SCAF11: variants seen among roughly 807,000 people sequenced by gnomAD.
SCAF11 encodes protein SCAF11.
A neutral mutation model predicts 140.5 loss-of-function variants in SCAF11; 47 were observed. The observed-to-expected ratio is 0.33, with a 90% CI of 0.26 to 0.43. The LOEUF is 0.43. Among genes scored for constraint, SCAF11 ranks in the 20% least tolerant of loss-of-function variants. The pLI is 1.00. For missense variants in SCAF11, 1,645 were observed against 1,705.1 expected (o/e 0.96, Z 0.62); for synonymous variants, 557 against 579.4 (o/e 0.96, Z 0.55).
At chr12:45,946,441 A>G (rs1267016286) in intron 5 of SCAF11, among the ~76,000 whole-genome samples, 1 of 152,260 alleles carries the variant, frequency 6.6e-6, no homozygotes, top group African/African-American at 2.4e-5. Context: ...AAAATAGTTA[A>G]GCTATGCCTT....
intron 1 of SCAF11, chr12:45,975,819 T>TA: frequency 1.3e-5 from 2 of 152,184 alleles, no homozygotes; most frequent in South Asian, 4.1e-4. Flanking sequence ...CAGGCAAACA[T>TA]AAGTTACCTG....
At chr12:45,989,774 A>C (rs1298326903) in intron 1 of SCAF11, among the ~76,000 whole-genome samples, 1 of 152,248 alleles carries the variant, frequency 6.6e-6, no homozygotes, top group Non-Finnish European at 1.5e-5. Flanking sequence ...GCTGATGCTT[A>C]GAAGCGCCGG....
chr12:45,937,970 C>G (rs1303433797), intron 6 of SCAF11, among the ~76,000 whole-genome samples: 1 of 152,212 alleles, frequency 6.6e-6, no homozygotes, highest in Non-Finnish European at 1.5e-5. Context: ...TCTGCCTTCA[C>G]AGATAATGGA....
At chr12:45,930,832 C>T (rs993592914) in intron 10 of SCAF11, 4 of 151,996 alleles carry the variant, frequency 2.6e-5, no homozygotes, top group South Asian at 2.1e-4. Context: ...TAATGACATA[C>T]CTTTTTCTTA....
chr12:45,929,180 C>T (rs919803039), intron 10 of SCAF11: 2 of 164,770 alleles, frequency 1.2e-5, no homozygotes, highest in Non-Finnish European at 2.5e-5. Context: ...GGGTCTCACT[C>T]TGTCACCCAG....
rs1157099642 is a variant in SCAF11 at position 45,927,002 on chromosome 12, T to A, written c.2699A>T (p.Asp900Val). ...CCTGGATTTTTCTCCTGGGGAAGAATCTTTCACTCTTGGCTGAGATCTTTT... is the reference window on the plus strand; with the variant it reads ...CCTGGATTTTTCTCCTGGGGAAGAAACTTTCACTCTTGGCTGAGATCTTTT... ...ENKRSQPRVK[D>V]SSPGEKSRSQ... The change falls in exon 11 of 15, where the codon GAT becomes GTT. Residue 900 changes from aspartate to valine, a missense_variant. Physicochemically the swap from Asp to Val is radical, Grantham distance 152 (BLOSUM62 -3). Coordinates refer to ENST00000369367, the MANE Select transcript of SCAF11 (RefSeq NM_004719.3). 6.2e-7 allele frequency: 1 copy of A among 1,613,502 alleles called. No homozygotes were observed. Among genetic ancestry groups the A allele is most frequent in the Non-Finnish European group, 8.5e-7 (1 of 1,180,020 alleles).
intron 1 of SCAF11, among the ~76,000 whole-genome samples, chr12:45,972,867 T>TATATATATATATAGATATATATATAG (rs1233274735): frequency 5.0e-5 from 2 of 40,082 alleles, no homozygotes; most frequent in Non-Finnish European, 4.9e-5. Flanking sequence ...TATATATCGA[T>TATATATATATATAGATATATATATAG]ATATATATAT....
At chr12:45,986,337 T>C (rs114755505) in intron 1 of SCAF11, among the ~76,000 whole-genome samples, 365 of 152,260 alleles carry the variant, frequency 2.4e-3, no homozygotes, top group African/African-American at 8.0e-3. Context: ...CCAGAAATCA[T>C]CTTTCAAATT....
chr12:45,960,721 G>A (rs947166529), intron 3 of SCAF11: 1 of 151,904 alleles, frequency 6.6e-6, no homozygotes, highest in Admixed American at 6.6e-5. Flanking sequence ...TGAGAACTCA[G>A]CCAGAGTCAC....
rs775434793 is a variant in SCAF11, at chr12:45,927,216, T to C, written c.2485A>G (p.Lys829Glu). Reference sequence around the variant, plus strand: ...TTCTTAGGAGATGGTGATTGAGACTTCCTGCTTTCTTTCCCAGTTTCTCTT... The same window carrying C: ...TTCTTAGGAGATGGTGATTGAGACTCCCTGCTTTCTTTCCCAGTTTCTCTT... ...PRRETGKESR[K>E]SQSPSPKNES... The change falls in exon 11 of 15, where the codon AAG becomes GAG. Residue 829 changes from lysine (K) to glutamate (E), a missense_variant. This residue lies in a region of SCAF11 where 1,582 missense variants were observed against 1,609.2 expected (regional missense o/e 0.98). Coordinates refer to ENST00000369367, the MANE Select transcript of SCAF11 (RefSeq NM_004719.3). 2 of 1,614,164 alleles carry C rather than the reference T, an allele frequency of 1.2e-6. No individual in the cohort carries two copies. The highest frequency in any genetic ancestry group is 2.2e-5 in the South Asian group (2 of 91,080).
intron 12 of SCAF11, among the ~76,000 whole-genome samples, chr12:45,923,568 T>C (rs1183751196): frequency 6.6e-6 from 1 of 152,112 alleles, no homozygotes; most frequent in Non-Finnish European, 1.5e-5. Context: ...GAAAAAAGGC[T>C]TGCAGTAAGT....
chr12:45,965,500 G>C (rs956624179), intron 1 of SCAF11, among the ~76,000 whole-genome samples: 2 of 152,084 alleles, frequency 1.3e-5, no homozygotes, highest in African/African-American at 2.4e-5. Flanking sequence ...TTTCCTAAGA[G>C]ATGGGGTCTT....
At chr12:45,985,004 C>T (rs1009064760) in intron 1 of SCAF11, among the ~76,000 whole-genome samples, 2 of 152,142 alleles carry the variant, frequency 1.3e-5, no homozygotes, top group African/African-American at 2.4e-5. Context: ...CACTTCCTTA[C>T]TTTTGGACAT....
At chr12:45,969,697 A>G (rs888766192) in intron 1 of SCAF11, among the ~76,000 whole-genome samples, 1 of 152,242 alleles carries the variant, frequency 6.6e-6, no homozygotes, top group East Asian at 1.9e-4. Context: ...ACATTACTAA[A>G]TAACAACTAA....
At chr12:45,974,414 A>G (rs961115096) in intron 1 of SCAF11, 1 of 330,766 alleles carries the variant, frequency 3.0e-6, no homozygotes, top group Non-Finnish European at 6.1e-6. Flanking sequence ...ACAAGATGCT[A>G]TTTGACAGCA....
chr12:45,979,917 A>C (rs1362353075), intron 1 of SCAF11, among the ~76,000 whole-genome samples: 1 of 152,166 alleles, frequency 6.6e-6, no homozygotes, highest in Non-Finnish European at 1.5e-5. Flanking sequence ...CCACATTAGC[A>C]TAAGGCATGA....
At chr12:45,973,027 T>G (rs934646962) in intron 1 of SCAF11, among the ~76,000 whole-genome samples, 7 of 144,736 alleles carry the variant, frequency 4.8e-5, no homozygotes, top group African/African-American at 1.5e-4. Context: ...TATAGATATA[T>G]AGATATAGAT....
At chr12:45,945,647 C>T (rs1259658495) in intron 5 of SCAF11, among the ~76,000 whole-genome samples, 1 of 151,652 alleles carries the variant, frequency 6.6e-6, no homozygotes, top group Non-Finnish European at 1.5e-5. Context: ...AGCAATCCTC[C>T]CAGCTCAGCC....
At chr12:45,959,386 C>A (rs1945772406) in intron 3 of SCAF11, among the ~76,000 whole-genome samples, 1 of 152,158 alleles carries the variant, frequency 6.6e-6, no homozygotes, top group Non-Finnish European at 1.5e-5. Context: ...AGTTTAGAAT[C>A]CTTGTCTTGT....
Sources: allele counts gnomAD v4.1 joint callset (sites outside exome capture counted in the v4.1 genomes callset), GRCh38; gene constraint gnomAD v4.1.1; regional missense constraint gnomAD v4.1.1; transcripts MANE v1.5; gene names NCBI Gene and HGNC (gene_info 2026-07-23, HGNC 2026-07-21).